The following TBC1D19 variants were observed in gnomAD, a reference collection of about 807,000 sequenced individuals.
TBC1D19 encodes TBC1 domain family, member 19.
In TBC1D19, 60 loss-of-function variants were observed where a neutral mutation model predicts 89.0. The observed-to-expected ratio is 0.67, with a 90% confidence interval of 0.55 to 0.84. TBC1D19 has a LOEUF of 0.84. TBC1D19 is among the 40% of genes least tolerant of loss of function. The pLI, the probability that TBC1D19 is intolerant of heterozygous loss-of-function variation, is 0.00. For missense variants in TBC1D19, 500 were observed against 610.8 expected, an observed-to-expected ratio of 0.82 and a Z score of 1.91; for synonymous variants, 189 against 199.7, an observed-to-expected ratio of 0.95 and a Z score of 0.45.
chr4:26,807,950 C>T, the TBC1D19 span, among the ~76,000 whole-genome samples: 69 of 152,014 alleles, frequency 4.5e-4, no homozygotes, highest in Non-Finnish European at 7.5e-4. Context: ...AACTGAGGCA[C>T]GGGAGATGGA....
At chr4:26,635,052 G>T (rs1743038591) in intron 4 of TBC1D19, among the ~76,000 whole-genome samples, 1 of 152,004 alleles carries the variant, frequency 6.6e-6, no homozygotes, top group Admixed American at 6.6e-5. Flanking sequence ...TTGAAAATGA[G>T]AATATTTGTA....
At chr4:26,813,755 C>T in the TBC1D19 span, among the ~76,000 whole-genome samples, 7 of 152,184 alleles carry the variant, frequency 4.6e-5, no homozygotes, top group Non-Finnish European at 4.4e-5. Context: ...ACTCCTTCCC[C>T]GCGCCTCTCC....
intron 8 of TBC1D19, among the ~76,000 whole-genome samples, chr4:26,661,698 C>T (rs1203331711): frequency 2.0e-5 from 3 of 152,108 alleles, no homozygotes; most frequent in African/African-American, 4.8e-5. Context: ...ATGCAATAGA[C>T]GATAACCTGG....
At chr4:26,618,180 G>A (rs115910648) in intron 3 of TBC1D19, among the ~76,000 whole-genome samples, 1 of 152,150 alleles carries the variant, frequency 6.6e-6, no homozygotes, top group African/African-American at 2.4e-5. Context: ...TTGCCTCCTG[G>A]AACTTACATC....
At chr4:26,773,704 C>A in the TBC1D19 span, among the ~76,000 whole-genome samples, 1 of 152,132 alleles carries the variant, frequency 6.6e-6, no homozygotes, top group Non-Finnish European at 1.5e-5. Flanking sequence ...TTTCCCAGCA[C>A]CATTTATTAA....
intron 3 of TBC1D19, among the ~76,000 whole-genome samples, chr4:26,617,355 T>G (rs1741758410): frequency 6.6e-6 from 1 of 152,266 alleles, no homozygotes; most frequent in Admixed American, 6.5e-5. Context: ...ATTCAAACCA[T>G]GGCAGAAACT....
chr4:26,663,973 G>A (rs1418025935), intron 8 of TBC1D19, among the ~76,000 whole-genome samples: 1 of 152,164 alleles, frequency 6.6e-6, no homozygotes, highest in Admixed American at 6.5e-5. Flanking sequence ...TACTAATTTG[G>A]TTATGTGGAG....
upstream of TBC1D19, chr4:26,583,912 T>A (rs1390927479): frequency 2.3e-6 from 1 of 427,628 alleles, no homozygotes; most frequent in African/African-American, 2.0e-5. Flanking sequence ...TGAGCTTTCT[T>A]GCCTTTCAAC....
intron 1 of TBC1D19, among the ~76,000 whole-genome samples, chr4:26,590,796 G>GTTTTTTTTTGTT (rs1739724048): frequency 1.9e-5 from 1 of 52,958 alleles, no homozygotes; most frequent in African/African-American, 8.3e-5. Flanking sequence ...TTGCAGGTCT[G>GTTTTTTTTTGTT]TTTTTTTTTT....
rs564553136 is a variant in TBC1D19 at position 26,609,241 on chromosome 4, T to C, written c.100-3928T>C. 3.9e-5 allele frequency among the ~76,000 whole-genome samples: 6 copies of C among 152,212 alleles called. No homozygotes were observed. In the East Asian group the frequency reaches 1.2e-3, roughly 29 times the overall value. ...AAATTTAAAAAAATAGAATGTGGTT[T>C]GGGCAATATAATTTTGTCAAGCAAT... is the stretch of plus-strand genomic sequence containing the variant. On this transcript the variant is annotated intron_variant, in intron 1 of 20. Coordinates refer to ENST00000264866, the MANE Select transcript of TBC1D19 (RefSeq NM_018317.4).
At chr4:26,820,980 T>C in the TBC1D19 span, among the ~76,000 whole-genome samples, 1 of 152,266 alleles carries the variant, frequency 6.6e-6, no homozygotes, top group Non-Finnish European at 1.5e-5. Flanking sequence ...GTTGACTGGC[T>C]ACCAAATGAA....
intron 18 of TBC1D19, among the ~76,000 whole-genome samples, chr4:26,746,444 G>C (rs998457032): frequency 6.6e-6 from 1 of 151,906 alleles, no homozygotes; most frequent in African/African-American, 2.4e-5. Flanking sequence ...AAATTCTCTG[G>C]CTCTTTCCTC....
At chr4:26,657,655 C>T (rs903751092) in intron 7 of TBC1D19, among the ~76,000 whole-genome samples, 18 of 152,220 alleles carry the variant, frequency 1.2e-4, no homozygotes, top group African/African-American at 2.6e-4. Flanking sequence ...CTTGAGGAAT[C>T]GCCACACTGT....
Position 26,584,131 on chromosome 4 carries a change from G to A in TBC1D19, c.-63G>A, listed in dbSNP as rs1321238748. On this transcript the variant is annotated 5_prime_UTR_variant, in exon 1 of 21. Coordinates refer to ENST00000264866, the MANE Select transcript of TBC1D19 (RefSeq NM_018317.4). ...GTGTCACTGGCCCTGAGTGGGACCC[G>A]GTAGCCCGTTCGCTCCGCGCCGGCG... 1.5e-5 allele frequency: 23 copies of A among 1,532,962 alleles called. No individual in the cohort carries two copies. The highest frequency in any genetic ancestry group is 2.0e-5 in the Non-Finnish European group (23 of 1,123,596). 95.0% of individuals were successfully genotyped at this position (1,532,962 alleles called of 1,614,324 possible).
chr4:26,712,137 A>T (rs1716237904), intron 13 of TBC1D19, among the ~76,000 whole-genome samples: 1 of 152,078 alleles, frequency 6.6e-6, no homozygotes, highest in African/African-American at 2.4e-5. Context: ...CAATAGTAGA[A>T]AGTTGTTTGT....
chr4:26,681,816 C>T (rs1713371430), intron 11 of TBC1D19, among the ~76,000 whole-genome samples: 1 of 151,972 alleles, frequency 6.6e-6, no homozygotes, highest in African/African-American at 2.4e-5. Context: ...CATGATATGG[C>T]ATTAGGTTAG....
the TBC1D19 span, among the ~76,000 whole-genome samples, chr4:26,763,025 C>A: frequency 6.6e-6 from 1 of 152,316 alleles, no homozygotes; most frequent in Admixed American, 6.5e-5. Context: ...AAGAGATAAT[C>A]TGTCTCCTCG....
chr4:26,759,984 G>A (rs1005247307), downstream of TBC1D19, among the ~76,000 whole-genome samples: 29 of 152,102 alleles, frequency 1.9e-4, no homozygotes, highest in African/African-American at 7.0e-4. Context: ...TTAGGAGTAG[G>A]ATTTCTGGGT....
chr4:26,624,152 G>T (rs1257464082), intron 4 of TBC1D19, among the ~76,000 whole-genome samples: 1 of 151,978 alleles, frequency 6.6e-6, no homozygotes. Context: ...TTTCCCTCTT[G>T]CATCATTAAC....
Sources: allele counts gnomAD v4.1 joint callset (sites outside exome capture counted in the v4.1 genomes callset), GRCh38; gene constraint gnomAD v4.1.1; transcripts MANE v1.5; gene names NCBI Gene and HGNC (gene_info 2026-07-23, HGNC 2026-07-21).